The following POLR1C variants were observed in gnomAD, a reference collection of about 807,000 sequenced individuals.
The protein encoded by POLR1C is DNA-directed RNA polymerases I and III subunit RPAC1.
Under a neutral mutation model 38.3 loss-of-function variants are expected in POLR1C, and 42 were observed. The ratio of observed to expected loss-of-function variants is 1.10; its 90% CI spans 0.86 to 1.42. The LOEUF (loss-of-function observed/expected upper bound fraction) is 1.42. Ranked by LOEUF, POLR1C falls within the 40% of genes most tolerant of loss-of-function variation. The pLI, the probability that POLR1C is intolerant of heterozygous loss-of-function variation, is 0.00. For synonymous variants in POLR1C, 163 were observed against 163.9 expected, an observed-to-expected ratio of 0.99 and a Z score of 0.04; for missense variants, 507 against 450.5, an observed-to-expected ratio of 1.13 and a Z score of -1.14.
intron 10 of POLR1C, among the ~76,000 whole-genome samples, chr6:43,554,661 T>C (rs1761946680): frequency 6.6e-6 from 1 of 151,924 alleles, no homozygotes; most frequent in East Asian, 1.9e-4. Context: ...TGACCTCAGG[T>C]GATCCCCAGC....
At chr6:43,551,803 C>T (rs1271324933) in intron 10 of POLR1C, among the ~76,000 whole-genome samples, 1 of 151,796 alleles carries the variant, frequency 6.6e-6, no homozygotes, top group Admixed American at 6.6e-5. Flanking sequence ...GTAGGTGGGA[C>T]TACTGGCACG....
downstream of POLR1C, chr6:43,531,421 A>C (rs1349804588): frequency 6.6e-7 from 1 of 1,510,312 alleles, no homozygotes; most frequent in African/African-American, 1.4e-5. Context: ...ACCCATGGAC[A>C]TTCCTATACA....
At chr6:43,519,679 G>T in intron 3 of POLR1C, 27 bp from the exon 4 acceptor site, 1 of 1,614,200 alleles carries the variant, frequency 6.2e-7, no homozygotes, top group South Asian at 1.1e-5. Context: ...GGTTTTTGCA[G>T]ATAAGTGGTT....
chr6:43,525,365 T>A, downstream of POLR1C: 1 of 704,972 alleles, frequency 1.4e-6, no homozygotes, highest in Non-Finnish European at 2.3e-6. Flanking sequence ...CCTGAACTCC[T>A]GGGCTCAAGC....
chr6:43,552,026 T>C (rs1457359594), intron 10 of POLR1C, among the ~76,000 whole-genome samples: 3 of 152,324 alleles, frequency 2.0e-5, no homozygotes, highest in Middle Eastern at 6.8e-3. Flanking sequence ...CTCTTAAATT[T>C]TGTATTTCTT....
downstream of POLR1C, chr6:43,533,342 C>T (rs1401432008): frequency 6.6e-6 from 1 of 152,408 alleles, no homozygotes; most frequent in African/African-American, 2.4e-5. Flanking sequence ...GTAACACCCA[C>T]CACAACCTAC....
intron 9 of POLR1C, among the ~76,000 whole-genome samples, chr6:43,545,395 C>T (rs1192001796): frequency 1.3e-5 from 2 of 152,056 alleles, no homozygotes; most frequent in African/African-American, 4.8e-5. Flanking sequence ...AAACAGAGCT[C>T]TAACAATGTA....
At chr6:43,548,122 G>T in intron 9 of POLR1C, 1 of 877,520 alleles carries the variant, frequency 1.1e-6, no homozygotes, top group Non-Finnish European at 1.7e-6. Context: ...ACAAAAGACT[G>T]CTTTTAGAGA....
chr6:43,528,490 A>T (rs1793739215), intron 8 of POLR1C, among the ~76,000 whole-genome samples: 1 of 152,178 alleles, frequency 6.6e-6, no homozygotes, highest in African/African-American at 2.4e-5. Flanking sequence ...TTCTCCACCC[A>T]GCTGGTCCCC....
chr6:43,524,103 C>T (rs911375529), downstream of POLR1C: 11 of 1,500,422 alleles, frequency 7.3e-6, no homozygotes, highest in African/African-American at 1.3e-4. Flanking sequence ...GTAATCCCAA[C>T]ACTTTTGGGA....
intron 9 of POLR1C, among the ~76,000 whole-genome samples, chr6:43,540,999 C>G (rs1328125008): frequency 6.6e-6 from 1 of 151,792 alleles, no homozygotes; most frequent in Admixed American, 6.6e-5. Flanking sequence ...ATAAGCCAGG[C>G]ACAGAAAGAC....
At chr6:43,543,820 G>A (rs1312887079) in intron 9 of POLR1C, among the ~76,000 whole-genome samples, 1 of 151,968 alleles carries the variant, frequency 6.6e-6, no homozygotes, top group African/African-American at 2.4e-5. Flanking sequence ...GGGATTACAG[G>A]CGCCCGCCAC....
chr6:43,524,813 C>G (rs750370357), downstream of POLR1C: 1 of 1,612,486 alleles, frequency 6.2e-7, no homozygotes, highest in South Asian at 1.1e-5. Context: ...ATCCTTCCCC[C>G]ATGCCTTCCC....
At chr6:43,562,176 T>C (rs897048925) in exon 11 of POLR1C, 154 of 1,300,610 alleles carry the variant, frequency 1.2e-4, no homozygotes, top group Non-Finnish European at 1.4e-4. Flanking sequence ...CAACCCCTCA[T>C]TGAAACATAA....
downstream of POLR1C, chr6:43,530,731 G>C (rs770912025): frequency 5.0e-6 from 8 of 1,613,956 alleles, no homozygotes; most frequent in Non-Finnish European, 6.8e-6. Flanking sequence ...TGTTCAAGTT[G>C]ACAAAGGCTG....
At chr6:43,559,515 T>C (rs1483233915) in intron 10 of POLR1C, among the ~76,000 whole-genome samples, 1 of 152,190 alleles carries the variant, frequency 6.6e-6, no homozygotes, top group Non-Finnish European at 1.5e-5. Flanking sequence ...CCTTTGTAAC[T>C]CTCACTTGGC....
chr6:43,539,558 C>G, intron 9 of POLR1C: 1 of 1,387,664 alleles, frequency 7.2e-7, no homozygotes, highest in South Asian at 1.2e-5. Flanking sequence ...TCCGCGAGCT[C>G]CGCGGCCTCA....
rs148236144 is a variant in POLR1C at position 43,517,352 on chromosome 6, C to T, written c.116C>T (p.Ala39Val). ...FPGNYSGYDD[A>V]WDQDRFEKNF... ...GGTAACTATTCCGGTTATGATGATG[C>T]CTGGGACCAGGACCGCTTCGAGAAG... The change falls in exon 2 of 9, where the codon GCC becomes GTC. Residue 39 changes from alanine (A) to valine (V), a missense_variant. By Grantham distance (64) the Ala-to-Val change is moderately conservative (BLOSUM62 0). Transcript: ENST00000642195. The T allele has an allele frequency of 4.7e-4, 759 of 1,613,886 alleles. 1 individual carries two copies. The highest frequency in any genetic ancestry group is 8.2e-4 in the Middle Eastern group (5 of 6,084).
intron 2 of POLR1C, among the ~76,000 whole-genome samples, chr6:43,518,010 G>A (rs1792927639): frequency 6.6e-6 from 1 of 151,960 alleles, no homozygotes; most frequent in Non-Finnish European, 1.5e-5. Context: ...TATGAACAAT[G>A]AAAAAGGTTA....
Sources: gnomAD v4.1 joint callset for allele counts (sites outside exome capture counted in the v4.1 genomes callset) on GRCh38, gnomAD v4.1.1 for gene constraint, MANE v1.5 for transcripts, NCBI Gene and HGNC (gene_info 2026-07-23, HGNC 2026-07-21) for gene names.